The following DSTYK variants were observed in gnomAD, a reference collection of about 807,000 sequenced individuals.
DSTYK encodes dual serine/threonine and tyrosine protein kinase.
A neutral mutation model predicts 98.7 loss-of-function variants in DSTYK; 34 were observed. The observed-to-expected ratio is 0.34, with a 90% CI of 0.26 to 0.46. The LOEUF (loss-of-function observed/expected upper bound fraction) is 0.46, where lower values mean the gene tolerates loss of function less well. DSTYK is among the 20% of genes least tolerant of loss of function. The pLI is 1.00. For synonymous variants in DSTYK, 462 were observed against 457.3 expected, an observed-to-expected ratio of 1.01 and a Z score of -0.13; for missense variants, 962 against 1,181.7, an observed-to-expected ratio of 0.81 and a Z score of 2.73.
chr1:205,159,263 A>T (rs1299331660), intron 9 of DSTYK, among the ~76,000 whole-genome samples: 1 of 151,914 alleles, frequency 6.6e-6, no homozygotes, highest in Admixed American at 6.6e-5. Flanking sequence ...CTAACTTTTA[A>T]TTTTTTATAG....
At chr1:205,182,556 G>A (rs1295210979) in intron 2 of DSTYK, among the ~76,000 whole-genome samples, 16 of 135,528 alleles carry the variant, frequency 1.2e-4, no homozygotes, top group Admixed American at 2.3e-4. Flanking sequence ...CTGTAATCCC[G>A]GCACTTTGGG....
chr1:205,145,406 A>G lies in DSTYK; in HGVS notation c.*2152T>C, dbSNP rs945425913. ...CAGGATAGCCAAAGAGTTAAAAGTT[A>G]TATGAAAGACCCATTATAGACTCCA... is the stretch of plus-strand genomic sequence containing the variant. On this transcript the variant is annotated 3_prime_UTR_variant, in exon 13 of 13. Coordinates refer to ENST00000367162, the MANE Select transcript of DSTYK (RefSeq NM_015375.3). The G allele has an allele frequency of 1.3e-5, 2 of 152,126 alleles. No homozygotes were observed. Among genetic ancestry groups the G allele is most frequent in the Non-Finnish European group, 2.9e-5 (2 of 68,026 alleles). 9.4% of individuals were successfully genotyped at this position (152,126 alleles called of 1,614,324 possible).
At chr1:205,165,659 C>T (rs1334186478) in intron 3 of DSTYK, among the ~76,000 whole-genome samples, 1 of 152,200 alleles carries the variant, frequency 6.6e-6, no homozygotes, top group Non-Finnish European at 1.5e-5. Flanking sequence ...GAAAAATCTA[C>T]ATACCCTTTG....
intron 2 of DSTYK, among the ~76,000 whole-genome samples, chr1:205,171,538 T>A (rs1161681690): frequency 1.3e-5 from 2 of 152,032 alleles, no homozygotes; most frequent in Non-Finnish European, 2.9e-5. Context: ...GTCTGCACTT[T>A]CCACTTTGTG....
In DSTYK at chr1:205,163,819, C is replaced by T; in HGVS notation, c.1461G>A (p.Leu487=). 1 of 1,614,182 alleles carries T rather than the reference C, an allele frequency of 6.2e-7. No individual in the cohort carries two copies. Reference sequence around the variant, plus strand: ...CCAGGGTTCCGACGAAGCTTTCCCTCAGGTAATCCACTGAGCTGATCAGCT... The same window carrying T: ...CCAGGGTTCCGACGAAGCTTTCCCTTAGGTAATCCACTGAGCTGATCAGCT... ...ANKLISSVDY[L]RESFVGTLER... The change falls in exon 4 of 13, where the codon CTG becomes CTA. Residue 487 remains leucine, a synonymous_variant. Coordinates refer to ENST00000367162, the MANE Select transcript of DSTYK (RefSeq NM_015375.3).
At chr1:205,191,342 C>T (rs1658707924) in intron 1 of DSTYK, among the ~76,000 whole-genome samples, 1 of 152,160 alleles carries the variant, frequency 6.6e-6, no homozygotes. Flanking sequence ...TGGTTTTACT[C>T]CTGGATTCTT....
chr1:205,210,839 A>C (rs1430321796), intron 1 of DSTYK, among the ~76,000 whole-genome samples: 1 of 152,096 alleles, frequency 6.6e-6, no homozygotes, highest in African/African-American at 2.4e-5. Context: ...GCCTCCTCGG[A>C]CTCCCGGGAC....
chr1:205,159,814 A>G, intron 8 of DSTYK, 135 bp from the exon 9 acceptor site: 1 of 1,115,036 alleles, frequency 9.0e-7, no homozygotes, highest in Non-Finnish European at 1.3e-6. Flanking sequence ...GTGCAGACAG[A>G]GCCCTCAGTA....
intron 1 of DSTYK, among the ~76,000 whole-genome samples, chr1:205,207,461 C>T (rs2102487791): frequency 6.6e-6 from 1 of 151,580 alleles, no homozygotes; most frequent in Non-Finnish European, 1.5e-5. Context: ...AAGAAAAATA[C>T]TTTCCCATGC....
At chr1:205,198,655 T>A (rs776913676) in intron 1 of DSTYK, among the ~76,000 whole-genome samples, 13 of 152,164 alleles carry the variant, frequency 8.5e-5, no homozygotes, top group Non-Finnish European at 1.6e-4. Flanking sequence ...TTTAAAATAG[T>A]CTTGTAACCT....
intron 10 of DSTYK, among the ~76,000 whole-genome samples, chr1:205,156,948 T>C (rs925999590): frequency 1.3e-5 from 2 of 152,184 alleles, no homozygotes; most frequent in Admixed American, 1.3e-4. Context: ...TAATGAGATC[T>C]GATGGTTTTG....
Position 205,169,922 on chromosome 1 carries a change from A to G in DSTYK, c.655-90T>C. The stretch of plus-strand genomic sequence containing the variant: ...GTCCCACACTGAGACCAAAATCCTG[A>G]TCTACAATGGAACAATTGGACTTCG... On this transcript the variant is annotated intron_variant, in intron 2 of 12. Coordinates refer to ENST00000367162, the MANE Select transcript of DSTYK (RefSeq NM_015375.3). This position sits in a 1 kb window ranked among gnomAD's most constrained non-coding sequence, Gnocchi z 4.0. The G allele has an allele frequency of 8.0e-7, 1 of 1,256,886 alleles. No homozygotes were observed. The highest frequency in any genetic ancestry group is 1.5e-5 in the African/African-American group (1 of 66,836). The allele number at this position is 1,256,886 out of a possible 1,614,324, so 77.9% of individuals were successfully genotyped here. A position where few individuals can be genotyped will look rare whatever the true frequency, so the allele number is the denominator to read the frequency against.
chr1:205,174,401 T>C (rs1209758903), intron 2 of DSTYK, among the ~76,000 whole-genome samples: 1 of 151,192 alleles, frequency 6.6e-6, no homozygotes, highest in African/African-American at 2.4e-5. Flanking sequence ...TAGTCCCAGC[T>C]ACTCAGGAGG....
intron 4 of DSTYK, among the ~76,000 whole-genome samples, chr1:205,163,346 A>C (rs1657790554): frequency 6.6e-6 from 1 of 151,860 alleles, no homozygotes. Flanking sequence ...CAGCCTCCCA[A>C]GTAGCTGGGA....
intron 1 of DSTYK, among the ~76,000 whole-genome samples, chr1:205,203,605 T>C: frequency 7.6e-6 from 1 of 130,774 alleles, no homozygotes; most frequent in East Asian, 2.4e-4. Context: ...GGGCAGAATT[T>C]CCCAATGTTT....
intron 2 of DSTYK, among the ~76,000 whole-genome samples, chr1:205,177,973 T>C (rs1176634138): frequency 6.6e-6 from 1 of 152,174 alleles, no homozygotes; most frequent in South Asian, 2.1e-4. Context: ...GGTTATAACA[T>C]GCCTCAAAGA....
chr1:205,150,539 A>T lies in DSTYK; in HGVS notation c.2467+141T>A. On this transcript the variant is annotated intron_variant, in intron 11 of 12. Transcript: ENST00000367162. This position sits in a 1 kb window ranked among gnomAD's most constrained non-coding sequence, Gnocchi z 4.1. ...CTTCACTTTCCCTGCTACTTGCCTTAGGTAGGTCTCCCCTGATCTGGTTTC... is the reference window on the plus strand; with the variant it reads ...CTTCACTTTCCCTGCTACTTGCCTTTGGTAGGTCTCCCCTGATCTGGTTTC... The T allele has an allele frequency of 1.6e-6, 1 of 619,802 alleles. No individual in the cohort carries two copies. The highest frequency in any genetic ancestry group is 2.8e-6 in the Non-Finnish European group (1 of 352,660). 38.4% of individuals were successfully genotyped at this position (619,802 alleles called of 1,614,324 possible).
chr1:205,169,741 G>C lies in DSTYK; in HGVS notation c.746C>G (p.Thr249Ser). Reference sequence around the variant, plus strand: ...GAGTTCATCTTTGTGGAGTGCATAGGTTATCACAGGCAAGAAATCATTCAC... The same window carrying C: ...GAGTTCATCTTTGTGGAGTGCATAGCTTATCACAGGCAAGAAATCATTCAC... ...DLVNDFLPVI[T>S]YALHKDELSE... is the part of the protein sequence containing the mutation. The change falls in exon 3 of 13, where the codon ACC becomes AGC. Residue 249 changes from threonine to serine, a missense_variant. Thr to Ser is a moderately conservative substitution (Grantham distance 58). Transcript: ENST00000367162. The surrounding 1 kb of genome is among the most constrained non-coding windows in gnomAD (Gnocchi z 4.0). 3.1e-6 allele frequency: 5 copies of C among 1,614,204 alleles called. No individual in the cohort carries two copies. The highest frequency in any genetic ancestry group is 4.2e-6 in the Non-Finnish European group (5 of 1,180,038).
In DSTYK at chr1:205,169,377, A is replaced by G; in HGVS notation, c.1110T>C (p.Leu370=). The G allele has an allele frequency of 1.2e-6, 2 of 1,614,144 alleles. No individual in the cohort carries two copies. Among genetic ancestry groups the G allele is most frequent in the Non-Finnish European group, 1.7e-6 (2 of 1,180,036 alleles). Residue 370 remains leucine, a synonymous_variant, in exon 3 of 13, where the codon CTT becomes CTC. Transcript: ENST00000367162. The surrounding 1 kb of genome is among the most constrained non-coding windows in gnomAD (Gnocchi z 4.0). ...KALNLVHCHC[L]DIFINQAFDM... ...CAAATGCCTGGTTAATAAAGATGTC[A>G]AGGCAGTGGCAGTGCACCAGGTTCA... is the stretch of plus-strand genomic sequence containing the variant.
Sources: gnomAD v4.1 joint callset for allele counts (sites outside exome capture counted in the v4.1 genomes callset) on GRCh38, gnomAD v4.1.1 for gene constraint, Gnocchi (gnomAD v3.1) non-coding constraint, MANE v1.5 for transcripts, NCBI Gene and HGNC (gene_info 2026-07-23, HGNC 2026-07-21) for gene names.